Variants in SLC39A11 observed in about 807,000 individuals in gnomAD.
SLC39A11 encodes solute carrier family 39 member 11, also known as zinc transporter ZIP11.
A neutral mutation model predicts 36.1 loss-of-function variants in SLC39A11; 33 were observed. The ratio of observed to expected loss-of-function variants is 0.91; its 90% CI spans 0.69 to 1.22. The LOEUF (loss-of-function observed/expected upper bound fraction) is 1.22, where lower values mean the gene tolerates loss of function less well. Among genes scored for constraint, SLC39A11 ranks in the 50% most tolerant of loss-of-function variants. The probability of loss-of-function intolerance (pLI) is 0.00; values close to 1 mark genes in which losing one functional copy is unlikely to be tolerated. For synonymous variants in SLC39A11, 166 were observed against 170.3 expected (o/e 0.97, Z 0.20); for missense variants, 432 against 430.3 (o/e 1.00, Z -0.03).
At chr17:72,762,758 G>C (rs1598619460) in intron 6 of SLC39A11, among the ~76,000 whole-genome samples, 1 of 152,056 alleles carries the variant, frequency 6.6e-6, no homozygotes, top group East Asian at 1.9e-4. Context: ...CCTTAACCTT[G>C]TTTCCTCAGA....
chr17:72,956,808 A>G (rs941306703), intron 4 of SLC39A11, among the ~76,000 whole-genome samples: 3 of 152,124 alleles, frequency 2.0e-5, no homozygotes, highest in African/African-American at 7.2e-5. Flanking sequence ...AAAAGCCACA[A>G]TTTCTCTTTC....
chr17:72,950,003 TTG>T (rs1383188988), intron 4 of SLC39A11, among the ~76,000 whole-genome samples: 1 of 151,164 alleles, frequency 6.6e-6, no homozygotes, highest in Non-Finnish European at 1.5e-5. Context: ...ACACCCCTTC[TTG>T]TTTTTTCACT....
intron 5 of SLC39A11, among the ~76,000 whole-genome samples, chr17:72,858,091 G>C (rs1032927408): frequency 6.6e-6 from 1 of 152,276 alleles, no homozygotes; most frequent in African/African-American, 2.4e-5. Flanking sequence ...TTGTCTACCA[G>C]GGTTTTTATA....
intron 6 of SLC39A11, among the ~76,000 whole-genome samples, chr17:72,815,609 C>A (rs1004538056): frequency 6.8e-6 from 1 of 147,972 alleles, no homozygotes; most frequent in Non-Finnish European, 1.5e-5. Context: ...AAGAGCGAAA[C>A]TCTGTCTCAA....
chr17:72,982,518 G>T (rs1449898842), intron 4 of SLC39A11, among the ~76,000 whole-genome samples: 1 of 152,088 alleles, frequency 6.6e-6, no homozygotes, highest in African/African-American at 2.4e-5. Context: ...GGCCTCTTTC[G>T]TCCATATCGG....
chr17:72,885,316 G>A (rs2081390691), intron 5 of SLC39A11, among the ~76,000 whole-genome samples: 1 of 108,860 alleles, frequency 9.2e-6, no homozygotes, highest in East Asian at 3.9e-4. Flanking sequence ...TCAAGCATTG[G>A]TTCTGTGCAG....
chr17:72,761,647 C>T (rs1263292475), intron 6 of SLC39A11, among the ~76,000 whole-genome samples: 1 of 152,210 alleles, frequency 6.6e-6, no homozygotes, highest in Admixed American at 6.5e-5. Flanking sequence ...GGCTAAGCAA[C>T]CTGGGTCATA....
intron 3 of SLC39A11, among the ~76,000 whole-genome samples, chr17:73,067,000 T>C (rs1468053964): frequency 6.6e-6 from 1 of 152,248 alleles, no homozygotes; most frequent in African/African-American, 2.4e-5. Context: ...GTATTACTTC[T>C]TCCTTTCAAA....
At chr17:72,759,507 C>G (rs2075493055) in intron 6 of SLC39A11, among the ~76,000 whole-genome samples, 1 of 152,138 alleles carries the variant, frequency 6.6e-6, no homozygotes, top group Non-Finnish European at 1.5e-5. Context: ...TGTGAAAAAG[C>G]TTTTTAAAAG....
At chr17:72,670,063 C>CAT (rs773046900) in intron 7 of SLC39A11, among the ~76,000 whole-genome samples, 6 of 149,450 alleles carry the variant, frequency 4.0e-5, no homozygotes, top group South Asian at 4.2e-4. Context: ...TGTATATACA[C>CAT]ATATATATAC....
chr17:72,870,185 T>C (rs762966538), intron 5 of SLC39A11, among the ~76,000 whole-genome samples: 14 of 152,286 alleles, frequency 9.2e-5, no homozygotes, highest in Non-Finnish European at 1.5e-4. Flanking sequence ...CAGACCACAC[T>C]GAGAAACCCT....
chr17:72,895,580 CAA>C (rs112611912), intron 5 of SLC39A11, among the ~76,000 whole-genome samples: 5 of 124,484 alleles, frequency 4.0e-5, no homozygotes, highest in Admixed American at 1.6e-4. Context: ...AACTCTGTCT[CAA>C]AAAAAAAAAA....
At chr17:73,021,284 C>T (rs1164324340) in intron 4 of SLC39A11, among the ~76,000 whole-genome samples, 1 of 152,068 alleles carries the variant, frequency 6.6e-6, no homozygotes, top group Non-Finnish European at 1.5e-5. Context: ...TCACCTTTGC[C>T]AAGAAGAAGG....
chr17:73,015,545 C>T (rs563786516), intron 4 of SLC39A11, among the ~76,000 whole-genome samples: 1 of 152,250 alleles, frequency 6.6e-6, no homozygotes, highest in South Asian at 2.1e-4. Flanking sequence ...CAAACTGCCA[C>T]GTGGAACAGC....
intron 5 of SLC39A11, among the ~76,000 whole-genome samples, chr17:72,892,129 A>G (rs1379488495): frequency 1.3e-5 from 2 of 152,158 alleles, no homozygotes; most frequent in African/African-American, 2.4e-5. Flanking sequence ...ATAAAAAGTT[A>G]TTAGAGGCTG....
intron 6 of SLC39A11, among the ~76,000 whole-genome samples, chr17:72,781,928 C>T (rs1018904124): frequency 3.4e-5 from 5 of 145,854 alleles, no homozygotes; most frequent in Non-Finnish European, 7.5e-5. Context: ...GACTCCTCTG[C>T]ACTGTAGTGG....
intron 4 of SLC39A11, among the ~76,000 whole-genome samples, chr17:72,974,682 A>G (rs769268804): frequency 6.6e-6 from 1 of 152,220 alleles, no homozygotes; most frequent in Non-Finnish European, 1.5e-5. Flanking sequence ...GCTTAAGTAT[A>G]CAGTGTTTAC....
Position 72,729,428 on chromosome 17 carries a change from TATATATATATATATATA to T in SLC39A11, c.671+7205_671+7221del, listed in dbSNP as rs2074088133. Among the ~76,000 whole-genome samples, 22 of 5,282 alleles carry T rather than the reference TATATATATATATATATA, an allele frequency of 4.2e-3. 2 individuals carry two copies. Among genetic ancestry groups the T allele is most frequent in the South Asian group, 0.014 (2 of 138 alleles). 3.5% of individuals were successfully genotyped at this position (5,282 alleles called of 152,430 possible). On this transcript the variant is annotated intron_variant, in intron 7 of 9. Transcript: ENST00000255559. Reference sequence around the variant, plus strand: ...ATTTATATATATATATATATATATATATATATATATATATATATATATATATATATTTTTTTTTTTTT... The same window carrying T: ...ATTTATATATATATATATATATATATTATATATATATATTTTTTTTTTTTT...
chr17:72,906,201 T>C (rs1197492936), intron 5 of SLC39A11, among the ~76,000 whole-genome samples: 2 of 152,140 alleles, frequency 1.3e-5, no homozygotes, highest in African/African-American at 4.8e-5. Flanking sequence ...AGCTCCACAA[T>C]GGCAAAGGAA....
Sources: gnomAD v4.1 joint callset for allele counts (sites outside exome capture counted in the v4.1 genomes callset) on GRCh38, gnomAD v4.1.1 for gene constraint, MANE v1.5 for transcripts, NCBI Gene and HGNC (gene_info 2026-07-23, HGNC 2026-07-21) for gene names.